The following ANKLE2 variants were observed in gnomAD, a reference collection of about 807,000 sequenced individuals.
The protein encoded by ANKLE2 is ankyrin repeat and LEM domain-containing protein 2.
ANKLE2 carries 55 observed loss-of-function variants against 84.2 expected under a neutral mutation model. That is an observed-to-expected ratio of 0.65 (90% confidence interval 0.53 to 0.82). ANKLE2 has a LOEUF of 0.82. ANKLE2 is among the 40% of genes least tolerant of loss of function. ANKLE2 has a pLI of 0.00. For synonymous variants in ANKLE2, 551 were observed against 486.1 expected, an observed-to-expected ratio of 1.13 and a Z score of -1.76; for missense variants, 1,238 against 1,201.9, an observed-to-expected ratio of 1.03 and a Z score of -0.44.
At position 132,741,411 on chromosome 12, in the gene ANKLE2, C is replaced by A. The variant is rs202217756; in HGVS notation, c.1420+8G>T. On this transcript the variant is annotated splice_region_variant and intron_variant, in intron 7 of 12. Transcript: ENST00000357997. Reference sequence around the variant, plus strand: ...CCCCACGATCCAGGCACCAACTCCCCATCTTACCCTTTAAATACTCTCTGA... The same window carrying A: ...CCCCACGATCCAGGCACCAACTCCCAATCTTACCCTTTAAATACTCTCTGA... The A allele has an allele frequency of 8.1e-6, 13 of 1,613,834 alleles. No homozygotes were observed.
At chr12:132,741,366 A>T in intron 7 of ANKLE2, 53 bp downstream of exon 7, 2 of 1,582,974 alleles carry the variant, frequency 1.3e-6, no homozygotes, top group Admixed American at 3.4e-5. Context: ...CCAACGCTCC[A>T]AGGCCCTTCC....
At chr12:132,731,075 C>T (rs2043834621) in intron 10 of ANKLE2, 1 of 152,372 alleles carries the variant, frequency 6.6e-6, no homozygotes, top group East Asian at 1.9e-4. Context: ...CCGGGCGCAG[C>T]ACTGTGCGAC....
chr12:132,729,727 T>A lies in ANKLE2; in HGVS notation c.2435A>T (p.Asp812Val). 6.2e-7 allele frequency: 1 copy of A among 1,610,140 alleles called. No individual in the cohort carries two copies. Among genetic ancestry groups the A allele is most frequent in the East Asian group, 2.2e-5 (1 of 44,690 alleles). The part of the protein sequence containing the change: ...SLSPSSPRHE[D>V]QLEVTREPAR... Reference sequence around the variant, plus strand: ...CGGTTCCCTGGTGACCTCGAGCTGATCCTCGTGCCTGGGGCTGCTGGGACT... The same window carrying A: ...CGGTTCCCTGGTGACCTCGAGCTGAACCTCGTGCCTGGGGCTGCTGGGACT... Residue 812 changes from aspartate (D) to valine (V), a missense_variant, in exon 11 of 13, where the codon GAT (aspartate) becomes GTT (valine). Asp to Val is a radical substitution (Grantham distance 152). Coordinates refer to ENST00000357997, the MANE Select transcript of ANKLE2 (RefSeq NM_015114.3).
Position 132,736,877 on chromosome 12 carries a change from T to C in ANKLE2, c.1593+16A>G, listed in dbSNP as rs2044019785. ...ACAGCCAGGCACCACTTCCAGAAGC[T>C]TCTACAGCAGCTCACCTTGGCTGGA... On this transcript the variant is annotated intron_variant, in intron 8 of 12. Transcript: ENST00000357997. The C allele has an allele frequency of 6.3e-7, 1 of 1,591,810 alleles. No homozygotes were observed.
intron 2 of ANKLE2, among the ~76,000 whole-genome samples, chr12:132,751,619 T>C (rs1263098868): frequency 6.6e-6 from 1 of 151,668 alleles, no homozygotes; most frequent in Non-Finnish European, 1.5e-5. Flanking sequence ...CTTGGCTCAC[T>C]GCGACCATCA....
chr12:132,747,928 G>A lies in ANKLE2; in HGVS notation c.1134C>T (p.Asp378=), dbSNP rs2044273492. The A allele has an allele frequency of 6.2e-7, 1 of 1,602,860 alleles. No individual in the cohort carries two copies. The highest frequency in any genetic ancestry group is 1.1e-5 in the South Asian group (1 of 89,368). The change falls in exon 5 of 13, where the codon GAC becomes GAT. Residue 378 remains aspartate (D), a synonymous_variant. Transcript: ENST00000357997. ...CATCAGGGTACATCAGCCTCATGAA[G>A]TCAGGGTTCTCCAGGACGTCCAGAG... ...QLTLDVLENP[D]FMRLMYPDDD...
intron 10 of ANKLE2, chr12:132,734,126 T>A: frequency 1.8e-6 from 1 of 556,738 alleles, no homozygotes; most frequent in Non-Finnish European, 3.3e-6. Context: ...GCGCCTGTAG[T>A]CCCAGCTACT....
Position 132,747,886 on chromosome 12 carries a change from C to G in ANKLE2, c.1176G>C (p.Leu392=). ...CCACCACGTAACGGATACGCTTCTGCAGCATGGCCTCGTCGTCATCAGGGT... is the reference window on the plus strand; with the variant it reads ...CCACCACGTAACGGATACGCTTCTGGAGCATGGCCTCGTCGTCATCAGGGT... ...LMYPDDDEAM[L]QKRIRYVVDL... The change falls in exon 5 of 13, where the codon CTG becomes CTC. Residue 392 remains leucine (L), a synonymous_variant. Coordinates refer to ENST00000357997, the MANE Select transcript of ANKLE2 (RefSeq NM_015114.3). 1 of 1,611,230 alleles carries G rather than the reference C, an allele frequency of 6.2e-7. No homozygotes were observed. The highest frequency in any genetic ancestry group is 1.1e-5 in the South Asian group (1 of 90,678).
chr12:132,740,929 A>C (rs905053295), intron 7 of ANKLE2, among the ~76,000 whole-genome samples: 5 of 150,668 alleles, frequency 3.3e-5, no homozygotes, highest in African/African-American at 1.2e-4. Context: ...AGGAGGAGGA[A>C]GGAGGCAGCT....
In ANKLE2 at chr12:132,761,794, A is replaced by T; in HGVS notation, c.5T>A (p.Leu2Gln). The T allele has an allele frequency of 9.0e-7, 1 of 1,112,528 alleles. No homozygotes were observed. The highest frequency in any genetic ancestry group is 5.1e-5 in the East Asian group (1 of 19,678). 68.9% of individuals were successfully genotyped at this position (1,112,528 alleles called of 1,614,324 possible). Residue 2 changes from leucine to glutamine, a missense_variant, in exon 1 of 13, where the codon CTG becomes CAG. Coordinates refer to ENST00000357997, the MANE Select transcript of ANKLE2 (RefSeq NM_015114.3). ...CTCGGCCGCCGCCAGCCGCGGCCAC[A>T]GCATCGCCGCCGCCCGGGCCGCAGC... MLWPRLAAAEWA... is the reference protein window; with the variant it reads MQWPRLAAAEWA...
chr12:132,738,470 A>T (rs1194633877), intron 7 of ANKLE2: 2 of 151,770 alleles, frequency 1.3e-5, no homozygotes, highest in Non-Finnish European at 2.9e-5. Flanking sequence ...ACAGTCAATC[A>T]TGCTACTCTG....
chr12:132,746,348 C>CA (rs566130639), intron 5 of ANKLE2, among the ~76,000 whole-genome samples: 9,260 of 66,136 alleles, frequency 0.14, 516 homozygotes, highest in South Asian at 0.2. Context: ...GACTCTGTCT[C>CA]AAAAAAAAAA....
chr12:132,732,870 C>T (rs2043909625), intron 10 of ANKLE2, among the ~76,000 whole-genome samples: 4 of 143,030 alleles, frequency 2.8e-5, no homozygotes, highest in Admixed American at 1.4e-4. Context: ...CCGTGTGAAG[C>T]GCTCTGCATC....
chr12:132,746,827 T>C (rs771309618), intron 5 of ANKLE2, among the ~76,000 whole-genome samples: 12 of 152,168 alleles, frequency 7.9e-5, no homozygotes, highest in Non-Finnish European at 1.2e-4. Context: ...GACTGCCTGT[T>C]CCAGTTGGGG....
intron 7 of ANKLE2, 76 bp downstream of exon 7, chr12:132,741,343 T>C: frequency 6.8e-7 from 1 of 1,463,604 alleles, no homozygotes; most frequent in African/African-American, 1.4e-5. Flanking sequence ...AAAGCAAAGC[T>C]CTGCTGTGTC....
At chr12:132,753,969 G>A (rs764251154) in intron 2 of ANKLE2, among the ~76,000 whole-genome samples, 12 of 152,132 alleles carry the variant, frequency 7.9e-5, no homozygotes, top group Non-Finnish European at 1.6e-4. Flanking sequence ...ATGGCCAGGC[G>A]CGGTGGCTCA....
chr12:132,753,078 G>A (rs553027876), intron 2 of ANKLE2, among the ~76,000 whole-genome samples: 2 of 152,266 alleles, frequency 1.3e-5, no homozygotes, highest in South Asian at 4.2e-4. Context: ...GGGAGGCTGA[G>A]CCTGGCAGAT....
At chr12:132,747,291 T>G (rs1215458010) in intron 5 of ANKLE2, among the ~76,000 whole-genome samples, 2 of 146,394 alleles carry the variant, frequency 1.4e-5, no homozygotes. Context: ...CATCTCTCTC[T>G]CTCCACAGCC....
chr12:132,741,318 C>A (rs1312582171), intron 7 of ANKLE2, 101 bp downstream of exon 7: 1 of 1,200,782 alleles, frequency 8.3e-7, no homozygotes, highest in Non-Finnish European at 1.2e-6. Context: ...CCGGCACACG[C>A]CCGGGGAGCT....
Sources: allele counts gnomAD v4.1 joint callset (sites outside exome capture counted in the v4.1 genomes callset), GRCh38; gene constraint gnomAD v4.1.1; transcripts MANE v1.5; gene names NCBI Gene and HGNC (gene_info 2026-07-23, HGNC 2026-07-21).